EXOC6: variants seen among roughly 807,000 people sequenced by gnomAD.
EXOC6 encodes the protein exocyst complex component 6, also known as SEC15-like 1.
EXOC6 carries 60 observed loss-of-function variants against 112.5 expected under a neutral mutation model. The ratio of observed to expected loss-of-function variants is 0.53; its 90% confidence interval spans 0.43 to 0.66. The LOEUF (loss-of-function observed/expected upper bound fraction) is 0.66, where lower values mean the gene tolerates loss of function less well. Among genes scored for constraint, EXOC6 ranks in the 30% least tolerant of loss-of-function variants. EXOC6 has a pLI of 0.00. For synonymous variants in EXOC6, 295 were observed against 308.0 expected, an observed-to-expected ratio of 0.96 and a Z score of 0.44; for missense variants, 855 against 957.1, an observed-to-expected ratio of 0.89 and a Z score of 1.41.
At chr10:93,054,435 T>C (rs1383924233) in intron 20 of EXOC6, among the ~76,000 whole-genome samples, 1 of 152,266 alleles carries the variant, frequency 6.6e-6, no homozygotes, top group Non-Finnish European at 1.5e-5. Flanking sequence ...TATGTATTTC[T>C]ATAAATATTT....
intron 17 of EXOC6, among the ~76,000 whole-genome samples, chr10:92,969,603 T>C (rs547995179): frequency 9.2e-5 from 14 of 152,232 alleles, no homozygotes; most frequent in Non-Finnish European, 1.9e-4. Flanking sequence ...TGATCTCTTC[T>C]TATTTGGTAT....
intron 19 of EXOC6, among the ~76,000 whole-genome samples, chr10:93,008,386 G>C (rs1393086953): frequency 2.6e-5 from 4 of 152,166 alleles, no homozygotes; most frequent in Admixed American, 2.6e-4. Context: ...CAGGATCAAT[G>C]TGTGTTATTT....
chr10:92,881,097 C>G (rs1848939168), intron 1 of EXOC6, among the ~76,000 whole-genome samples: 1 of 152,062 alleles, frequency 6.6e-6, no homozygotes, highest in Non-Finnish European at 1.5e-5. Context: ...CTCAACTGGA[C>G]TAGACAGCCA....
chr10:92,830,076 G>A (rs1846448443), upstream of EXOC6, among the ~76,000 whole-genome samples: 1 of 152,152 alleles, frequency 6.6e-6, no homozygotes, highest in Non-Finnish European at 1.5e-5. Flanking sequence ...AAGCAGCTGA[G>A]CACCCATGCC....
chr10:92,911,901 T>TTC lies in EXOC6; in HGVS notation c.663+2300_663+2301dup, dbSNP rs113097452. On this transcript the variant is annotated intron_variant, in intron 6 of 21. Coordinates refer to ENST00000260762, the MANE Select transcript of EXOC6 (RefSeq NM_019053.6). ...TGCTACCTTTCAATTTCTTGTGGGT[T>TTC]TCTCTCTCTCTCTCTCTCTCTCTCT... 8.0e-3 allele frequency among the ~76,000 whole-genome samples: 1,126 copies of TTC among 139,954 alleles called. 8 individuals carry two copies. The highest frequency in any genetic ancestry group is 0.021 in the Middle Eastern group (6 of 280). The allele number at this position is 139,954 out of a possible 152,430, so 91.8% of individuals were successfully genotyped here.
At chr10:92,963,698 T>C (rs1179610244) in intron 17 of EXOC6, among the ~76,000 whole-genome samples, 2 of 152,092 alleles carry the variant, frequency 1.3e-5, no homozygotes. Context: ...CTCACCATAT[T>C]ACCCCTGTTA....
At chr10:92,989,285 C>G (rs1430717129) in intron 18 of EXOC6, among the ~76,000 whole-genome samples, 1 of 152,110 alleles carries the variant, frequency 6.6e-6, no homozygotes, top group African/African-American at 2.4e-5. Flanking sequence ...AGTATACTGC[C>G]TAAAAAATCA....
chr10:93,018,071 A>T (rs923154233), intron 20 of EXOC6, among the ~76,000 whole-genome samples: 1 of 151,886 alleles, frequency 6.6e-6, no homozygotes, highest in Admixed American at 6.6e-5. Context: ...TACATTCTTT[A>T]TGCAGACCAT....
chr10:92,945,350 G>C (rs931046303), intron 13 of EXOC6, among the ~76,000 whole-genome samples: 1 of 151,976 alleles, frequency 6.6e-6, no homozygotes, highest in Non-Finnish European at 1.5e-5. Context: ...TTGTTTCCTT[G>C]CTGTGCAGAA....
chr10:92,865,363 G>A (rs796278399), intron 1 of EXOC6, among the ~76,000 whole-genome samples: 11 of 152,088 alleles, frequency 7.2e-5, no homozygotes, highest in South Asian at 2.1e-4. Context: ...GTGAAACCCC[G>A]TCTCTACTAA....
chr10:92,859,423 G>A (rs906336769), intron 1 of EXOC6, among the ~76,000 whole-genome samples: 1 of 152,132 alleles, frequency 6.6e-6, no homozygotes, highest in Admixed American at 6.5e-5. Context: ...TGCCTTCGTT[G>A]GCATCACATT....
intron 1 of EXOC6, among the ~76,000 whole-genome samples, chr10:92,867,212 T>A (rs1848216664): frequency 6.6e-6 from 1 of 152,172 alleles, no homozygotes; most frequent in Non-Finnish European, 1.5e-5. Flanking sequence ...AATAAACAGA[T>A]ATGTTAAAAA....
chr10:92,999,646 C>T (rs565676882), intron 19 of EXOC6, among the ~76,000 whole-genome samples: 1 of 151,958 alleles, frequency 6.6e-6, no homozygotes, highest in African/African-American at 2.4e-5. Context: ...ACTTTCATTA[C>T]AGTATATTGT....
intron 20 of EXOC6, among the ~76,000 whole-genome samples, chr10:93,045,177 T>G (rs1199671840): frequency 6.6e-6 from 1 of 152,174 alleles, no homozygotes; most frequent in Non-Finnish European, 1.5e-5. Context: ...TGGCCAAGTA[T>G]TTAGTTTTAA....
At chr10:92,903,206 TTAGCAATG>T (rs914971900) in intron 5 of EXOC6, among the ~76,000 whole-genome samples, 1 of 152,098 alleles carries the variant, frequency 6.6e-6, no homozygotes, top group Non-Finnish European at 1.5e-5. Flanking sequence ...TACGCTTCCA[TTAGCAATG>T]TATTAATATA....
chr10:92,917,813 T>G (rs1178358873), intron 7 of EXOC6, among the ~76,000 whole-genome samples: 1 of 152,202 alleles, frequency 6.6e-6, no homozygotes, highest in East Asian at 1.9e-4. Context: ...GTGCTGAGAT[T>G]ACAGGTGTGA....
chr10:92,850,458 G>C (rs1217450368), intron 1 of EXOC6, among the ~76,000 whole-genome samples: 1 of 151,984 alleles, frequency 6.6e-6, no homozygotes, highest in Admixed American at 6.6e-5. Flanking sequence ...ACATATAGAG[G>C]GTACTGCTAG....
intron 18 of EXOC6, among the ~76,000 whole-genome samples, chr10:92,976,704 C>T (rs1842636954): frequency 6.6e-6 from 1 of 150,990 alleles, no homozygotes; most frequent in Non-Finnish European, 1.5e-5. Context: ...TAATTAATGG[C>T]TTTTCCAGTT....
chr10:92,940,751 C>T lies in EXOC6; in HGVS notation c.1237C>T (p.Leu413Phe). The change falls in exon 13 of 22, where the codon CTT becomes TTT. Residue 413 changes from leucine (L) to phenylalanine (F), a missense_variant. By Grantham distance (22) the Leu-to-Phe change is conservative. This residue lies in a region of EXOC6 where 450 missense variants were observed against 563.5 expected (regional missense o/e 0.80). Transcript: ENST00000260762. ...GGGTTATGGTTTTCCAGTGAACCGACTTTTTGACCTTTTATTTGAAATAAG... is the reference window on the plus strand; with the variant it reads ...GGGTTATGGTTTTCCAGTGAACCGATTTTTTGACCTTTTATTTGAAATAAG... ...LQGYGFPVNR[L>F]FDLLFEIRDQ... The T allele has an allele frequency of 6.2e-7, 1 of 1,602,940 alleles. No homozygotes were observed. The highest frequency in any genetic ancestry group is 8.5e-7 in the Non-Finnish European group (1 of 1,174,690).
Sources: gnomAD v4.1 joint callset for allele counts (sites outside exome capture counted in the v4.1 genomes callset) on GRCh38, gnomAD v4.1.1 for gene constraint, gnomAD v4.1.1 regional missense constraint, MANE v1.5 for transcripts, NCBI Gene and HGNC (gene_info 2026-07-23, HGNC 2026-07-21) for gene names.